Variants in ACBD5 observed in about 807,000 individuals in gnomAD.
ACBD5 encodes acyl-CoA-binding domain-containing protein 5.
Under a neutral mutation model 71.8 loss-of-function variants are expected in ACBD5, and 40 were observed. The ratio of observed to expected loss-of-function variants is 0.56; its 90% CI spans 0.43 to 0.72. The LOEUF (loss-of-function observed/expected upper bound fraction) is 0.72, where lower values mean the gene tolerates loss of function less well. Ranked by LOEUF, ACBD5 falls within the 30% of genes least tolerant of loss-of-function variation. ACBD5 has a pLI of 0.00. For missense variants in ACBD5, 559 were observed against 644.5 expected (o/e 0.87, Z 1.44); for synonymous variants, 229 against 218.6 (o/e 1.05, Z -0.42).
intron 3 of ACBD5, among the ~76,000 whole-genome samples, chr10:27,234,030 G>A (rs186127432): frequency 6.6e-6 from 1 of 152,314 alleles, no homozygotes; most frequent in African/African-American, 2.4e-5. Flanking sequence ...GGCAACAAGA[G>A]TGAAACTCCA....
intron 13 of ACBD5, among the ~76,000 whole-genome samples, chr10:27,189,741 T>C (rs887982733): frequency 6.7e-6 from 1 of 148,634 alleles, no homozygotes; most frequent in Non-Finnish European, 1.5e-5. Flanking sequence ...GTTGTGCACA[T>C]GTACCCTAGA....
chr10:27,217,716 G>A (rs1376077391), intron 7 of ACBD5, among the ~76,000 whole-genome samples: 1 of 151,958 alleles, frequency 6.6e-6, no homozygotes, highest in African/African-American at 2.4e-5. Flanking sequence ...TTAGGAGGCT[G>A]AGGCAGAATT....
chr10:27,207,759 G>T (rs1293399952), intron 10 of ACBD5, among the ~76,000 whole-genome samples: 1 of 152,100 alleles, frequency 6.6e-6, no homozygotes, highest in Non-Finnish European at 1.5e-5. Flanking sequence ...ATTTGAGACA[G>T]AGTCTCACTC....
chr10:27,205,875 T>A (rs1475756058), intron 10 of ACBD5, among the ~76,000 whole-genome samples: 3 of 152,084 alleles, frequency 2.0e-5, no homozygotes, highest in Non-Finnish European at 4.4e-5. Flanking sequence ...ATGCAAATTT[T>A]AAGGAAAAAA....
intron 8 of ACBD5, among the ~76,000 whole-genome samples, chr10:27,211,716 A>G (rs765994779): frequency 2.0e-5 from 3 of 152,112 alleles, no homozygotes; most frequent in Admixed American, 6.6e-5. Context: ...TTTTAAGTCA[A>G]AGCAAGCTTA....
intron 6 of ACBD5, among the ~76,000 whole-genome samples, chr10:27,219,323 A>AAG (rs2062047531): frequency 6.6e-6 from 1 of 151,582 alleles, no homozygotes; most frequent in African/African-American, 2.4e-5. Flanking sequence ...AAACAAAAAA[A>AAG]AAACACTATG....
At chr10:27,227,955 C>T (rs7898338) in intron 4 of ACBD5, among the ~76,000 whole-genome samples, 5,272 of 151,958 alleles carry the variant, frequency 0.035, 231 homozygotes, top group East Asian at 0.11. Flanking sequence ...TCAGGTGATC[C>T]GCCTGTCTCA....
At chr10:27,185,431 G>A (rs1407382936) in intron 13 of ACBD5, among the ~76,000 whole-genome samples, 3 of 151,630 alleles carry the variant, frequency 2.0e-5, no homozygotes, top group Non-Finnish European at 4.4e-5. Flanking sequence ...TCGGGAGTTC[G>A]AGACCAGCCT....
intron 7 of ACBD5, among the ~76,000 whole-genome samples, chr10:27,216,551 C>T (rs558856200): frequency 1.6e-4 from 25 of 152,286 alleles, no homozygotes; most frequent in African/African-American, 4.6e-4. Context: ...GCGGGGATTA[C>T]GGGCGTGAGC....
rs1554856598 is a variant in ACBD5, at chr10:27,228,815, A to ATATATAT, written c.375+2932_375+2933insATATATA. Among the ~76,000 whole-genome samples the ATATATAT allele has an allele frequency of 1.3e-3, 26 of 20,368 alleles. 1 individual carries two copies. Among genetic ancestry groups the ATATATAT allele is most frequent in the African/African-American group, 2.9e-3 (25 of 8,578 alleles). The allele number at this position is 20,368 out of a possible 152,430, so 13.4% of individuals were successfully genotyped here. On this transcript the variant is annotated intron_variant, in intron 4 of 12. Coordinates refer to ENST00000396271, the MANE Select transcript of ACBD5 (RefSeq NM_145698.5). ...TTTATATATATATATATATATATAT[A>ATATATAT]TTTTTTTTTTTTTTTTTTTTTTTGA... is the stretch of plus-strand genomic sequence containing the variant.
intron 8 of ACBD5, 61 bp downstream of exon 8, chr10:27,215,474 T>TA: frequency 9.3e-7 from 1 of 1,077,540 alleles, no homozygotes; most frequent in Non-Finnish European, 1.4e-6. Flanking sequence ...TAACAGAAGT[T>TA]ACGCATTGAA....
At chr10:27,236,610 C>T (rs891375785) in intron 2 of ACBD5, among the ~76,000 whole-genome samples, 7 of 151,920 alleles carry the variant, frequency 4.6e-5, no homozygotes, top group African/African-American at 1.5e-4. Flanking sequence ...AGCTGTGGGC[C>T]GGGCACAGTG....
At chr10:27,199,780 G>C (rs1240933115) in intron 12 of ACBD5, among the ~76,000 whole-genome samples, 1 of 152,102 alleles carries the variant, frequency 6.6e-6, no homozygotes, top group Non-Finnish European at 1.5e-5. Flanking sequence ...ATCTGGGCAG[G>C]CTGCTTAAGA....
intron 4 of ACBD5, among the ~76,000 whole-genome samples, chr10:27,225,077 C>CTT (rs369118936): frequency 0.014 from 1,948 of 136,372 alleles, 44 homozygotes; most frequent in African/African-American, 0.042. Context: ...CGCTCTCTTT[C>CTT]TTTTTTTTTT....
intron 2 of ACBD5, among the ~76,000 whole-genome samples, chr10:27,237,501 T>A (rs1055535678): frequency 6.6e-6 from 1 of 152,190 alleles, no homozygotes; most frequent in African/African-American, 2.4e-5. Flanking sequence ...TTAAAAGTAG[T>A]ATTACAAAAA....
chr10:27,205,773 A>G (rs1291105595), intron 10 of ACBD5, among the ~76,000 whole-genome samples: 4 of 151,460 alleles, frequency 2.6e-5, no homozygotes, highest in African/African-American at 9.7e-5. Context: ...CAGGTGATCC[A>G]CCCACCTCAG....
At chr10:27,212,740 G>C (rs1312945964) in intron 8 of ACBD5, among the ~76,000 whole-genome samples, 1 of 151,814 alleles carries the variant, frequency 6.6e-6, no homozygotes, top group Non-Finnish European at 1.5e-5. Context: ...GTAGAGACGG[G>C]GTTTTGCCAT....
chr10:27,234,706 C>A lies in ACBD5; in HGVS notation c.302+386G>T, dbSNP rs373556158. ...CAGCACTTCGGGAGGCCGAGGTGGG[C>A]GGACCACCTGAACCCAGCAGTTCGA... On this transcript the variant is annotated intron_variant, in intron 3 of 12. Coordinates refer to ENST00000396271, the MANE Select transcript of ACBD5 (RefSeq NM_145698.5). Among the ~76,000 whole-genome samples, 5 of 152,268 alleles carry A rather than the reference C, an allele frequency of 3.3e-5. No individual in the cohort carries two copies. In the East Asian group the frequency reaches 9.7e-4, roughly 29 times the overall value.
downstream of ACBD5, among the ~76,000 whole-genome samples, chr10:27,191,590 A>T (rs1450388529): frequency 2.0e-5 from 3 of 152,164 alleles, no homozygotes; most frequent in Non-Finnish European, 4.4e-5. Context: ...AAACAGTTCT[A>T]AAAAAGTCTA....
Sources: gnomAD v4.1 joint callset for allele counts (sites outside exome capture counted in the v4.1 genomes callset) on GRCh38, gnomAD v4.1.1 for gene constraint, MANE v1.5 for transcripts, NCBI Gene and HGNC (gene_info 2026-07-23, HGNC 2026-07-21) for gene names.